SEMA3A: variants seen among roughly 807,000 people sequenced by gnomAD.
SEMA3A encodes the protein semaphorin-3A.
A neutral mutation model predicts 97.9 loss-of-function variants in SEMA3A; 29 were observed. The observed-to-expected ratio is 0.30, with a 90% CI of 0.22 to 0.40. SEMA3A has a LOEUF of 0.40. Ranked by LOEUF, SEMA3A falls within the 10% of genes least tolerant of loss-of-function variation. SEMA3A has a pLI of 1.00. For missense variants in SEMA3A, 763 were observed against 951.3 expected, an observed-to-expected ratio of 0.80 and a Z score of 2.60; for synonymous variants, 321 against 323.7, an observed-to-expected ratio of 0.99 and a Z score of 0.09.
intron 1 of SEMA3A, among the ~76,000 whole-genome samples, chr7:84,459,873 A>G (rs1805780217): frequency 6.6e-6 from 1 of 152,104 alleles, no homozygotes; most frequent in Non-Finnish European, 1.5e-5. Flanking sequence ...ACAAAAATAC[A>G]AAAATTAGCC....
At chr7:84,158,446 C>A (rs1796922944) in intron 1 of SEMA3A, among the ~76,000 whole-genome samples, 1 of 152,142 alleles carries the variant, frequency 6.6e-6, no homozygotes, top group Non-Finnish European at 1.5e-5. Context: ...GCCACCACAC[C>A]TGGCCAACAG....
chr7:84,412,492 T>C (rs1804296996), intron 1 of SEMA3A, among the ~76,000 whole-genome samples: 1 of 152,166 alleles, frequency 6.6e-6, no homozygotes, highest in Non-Finnish European at 1.5e-5. Context: ...TAATGGTACA[T>C]GTCAGTCAAA....
At chr7:84,374,214 G>A (rs749757526) in intron 1 of SEMA3A, among the ~76,000 whole-genome samples, 1 of 152,188 alleles carries the variant, frequency 6.6e-6, no homozygotes, top group Admixed American at 6.5e-5. Context: ...TATCAAAAAT[G>A]TGAATGTGTG....
chr7:84,233,443 A>T (rs1277896672), intron 3 of SEMA3A, among the ~76,000 whole-genome samples: 1 of 152,042 alleles, frequency 6.6e-6, no homozygotes, highest in African/African-American at 2.4e-5. Context: ...AAATGAATGT[A>T]GACTATCTGC....
At chr7:84,038,036 T>C (rs951071088) in intron 6 of SEMA3A, among the ~76,000 whole-genome samples, 2 of 152,144 alleles carry the variant, frequency 1.3e-5, no homozygotes, top group African/African-American at 4.8e-5. Context: ...TTAGTTGATA[T>C]ATGAAGCTTA....
chr7:84,375,297 G>C (rs188092644), intron 1 of SEMA3A, among the ~76,000 whole-genome samples: 44 of 152,288 alleles, frequency 2.9e-4, no homozygotes, highest in African/African-American at 9.1e-4. Flanking sequence ...TGGGATTACA[G>C]GCATGAGCCA....
intron 3 of SEMA3A, among the ~76,000 whole-genome samples, chr7:84,283,303 G>A (rs1800495749): frequency 6.6e-6 from 1 of 152,060 alleles, no homozygotes; most frequent in East Asian, 1.9e-4. Context: ...CAATACACGC[G>A]TGTGTTAAAC....
At chr7:84,261,367 A>G (rs936161196) in intron 3 of SEMA3A, among the ~76,000 whole-genome samples, 8 of 152,188 alleles carry the variant, frequency 5.3e-5, no homozygotes, top group Admixed American at 2.6e-4. Context: ...TAATACAAAT[A>G]GGCTGAAAAA....
intron 1 of SEMA3A, among the ~76,000 whole-genome samples, chr7:84,440,511 A>G (rs1805245662): frequency 6.6e-6 from 1 of 152,200 alleles, no homozygotes; most frequent in African/African-American, 2.4e-5. Flanking sequence ...TGGGACTTAA[A>G]GGGCCAATGA....
At chr7:84,065,772 T>C (rs909652982) in intron 4 of SEMA3A, among the ~76,000 whole-genome samples, 2 of 152,110 alleles carry the variant, frequency 1.3e-5, no homozygotes, top group African/African-American at 2.4e-5. Context: ...ATTGTGACAA[T>C]AATCAATAGC....
chr7:84,141,616 T>G (rs1374040231), intron 1 of SEMA3A, among the ~76,000 whole-genome samples: 2 of 152,120 alleles, frequency 1.3e-5, no homozygotes, highest in Non-Finnish European at 2.9e-5. Context: ...ACCCACGTAT[T>G]AAACCTAGTA....
At chr7:84,130,049 GCAAT>G (rs1475799646) in intron 2 of SEMA3A, among the ~76,000 whole-genome samples, 100 of 152,024 alleles carry the variant, frequency 6.6e-4, no homozygotes, top group African/African-American at 2.2e-3. Flanking sequence ...AATCCCCTGA[GCAAT>G]TCCAATGACT....
intron 1 of SEMA3A, among the ~76,000 whole-genome samples, chr7:84,395,617 G>A (rs1286763430): frequency 1.3e-5 from 2 of 151,690 alleles, no homozygotes; most frequent in Non-Finnish European, 2.9e-5. Context: ...GAATCATGGG[G>A]GTGGTTTCCC....
intron 4 of SEMA3A, among the ~76,000 whole-genome samples, chr7:84,086,741 T>C (rs1487875743): frequency 6.7e-6 from 1 of 150,118 alleles, no homozygotes; most frequent in Non-Finnish European, 1.5e-5. Flanking sequence ...TGTGTATATA[T>C]ATATTTTTTT....
intron 6 of SEMA3A, among the ~76,000 whole-genome samples, chr7:84,035,662 G>A (rs1018765026): frequency 1.3e-4 from 20 of 152,094 alleles, no homozygotes; most frequent in Non-Finnish European, 2.4e-4. Context: ...CTTTTAAAGT[G>A]CAGAGACCAG....
chr7:84,134,204 C>T (rs1303951414), intron 2 of SEMA3A, among the ~76,000 whole-genome samples: 4 of 152,152 alleles, frequency 2.6e-5, no homozygotes, highest in Non-Finnish European at 5.9e-5. Context: ...TCTCCTAGAT[C>T]AGGGTTTGGC....
intron 1 of SEMA3A, among the ~76,000 whole-genome samples, chr7:84,467,351 T>C (rs1185635762): frequency 6.6e-6 from 1 of 151,536 alleles, no homozygotes; most frequent in East Asian, 1.9e-4. Context: ...TAAAACCCCA[T>C]CTCTACTAAA....
At chr7:84,017,115 A>G (rs943802729) in intron 6 of SEMA3A, among the ~76,000 whole-genome samples, 6 of 152,236 alleles carry the variant, frequency 3.9e-5, no homozygotes. Flanking sequence ...CAGTCTAACA[A>G]AAGCAATGTT....
At chr7:83,963,089 G>T in intron 16 of SEMA3A, 116 bp downstream of exon 16, 2 of 1,116,158 alleles carry the variant, frequency 1.8e-6, no homozygotes, top group Non-Finnish European at 1.3e-6. Flanking sequence ...CGATTGATTG[G>T]TTCAGAAGAG....
Sources: allele counts gnomAD v4.1 joint callset (sites outside exome capture counted in the v4.1 genomes callset), GRCh38; gene constraint gnomAD v4.1.1; transcripts MANE v1.5; gene names NCBI Gene and HGNC (gene_info 2026-07-23, HGNC 2026-07-21).